Variants in MAGI1 observed in about 807,000 individuals in gnomAD.
The protein encoded by MAGI1 is membrane-associated guanylate kinase, WW and PDZ domain-containing protein 1.
A neutral mutation model predicts 139.9 loss-of-function variants in MAGI1; 58 were observed. The ratio of observed to expected loss-of-function variants is 0.41; its 90% confidence interval spans 0.34 to 0.52. MAGI1 has a LOEUF of 0.52. Ranked by LOEUF, MAGI1 falls within the 20% of genes least tolerant of loss-of-function variation. The pLI, the probability that MAGI1 is intolerant of heterozygous loss-of-function variation, is 0.12. For synonymous variants in MAGI1, 812 were observed against 737.9 expected, an observed-to-expected ratio of 1.10 and a Z score of -1.63; for missense variants, 1,874 against 1,901.6, an observed-to-expected ratio of 0.99 and a Z score of 0.27.
At chr3:65,517,105 T>C (rs1024657508) in intron 2 of MAGI1, among the ~76,000 whole-genome samples, 5 of 152,104 alleles carry the variant, frequency 3.3e-5, no homozygotes, top group Non-Finnish European at 7.4e-5. Flanking sequence ...CTCTAAAATT[T>C]TACACTACCT....
chr3:65,978,395 T>G (rs1287212029), intron 1 of MAGI1, among the ~76,000 whole-genome samples: 1 of 152,168 alleles, frequency 6.6e-6, no homozygotes, highest in Admixed American at 6.5e-5. Flanking sequence ...AGACCTGCTC[T>G]GTCTTGCTCA....
At chr3:65,894,403 C>T (rs2060887611) in intron 1 of MAGI1, among the ~76,000 whole-genome samples, 1 of 152,126 alleles carries the variant, frequency 6.6e-6, no homozygotes, top group Non-Finnish European at 1.5e-5. Context: ...TTGGTGAAAG[C>T]TAGGACACAT....
At chr3:65,773,243 G>C (rs1010527656) in intron 1 of MAGI1, among the ~76,000 whole-genome samples, 6 of 152,134 alleles carry the variant, frequency 3.9e-5, no homozygotes, top group African/African-American at 1.2e-4. Flanking sequence ...ACAACCTTAA[G>C]AGTAGGGGGT....
chr3:65,620,912 T>TA (rs1286121795), intron 2 of MAGI1, among the ~76,000 whole-genome samples: 6 of 152,200 alleles, frequency 3.9e-5, no homozygotes, highest in Non-Finnish European at 7.3e-5. Context: ...CTAAGTCCTT[T>TA]AAAATCTACA....
intron 2 of MAGI1, among the ~76,000 whole-genome samples, chr3:65,502,120 C>A (rs1393100527): frequency 2.6e-5 from 4 of 152,192 alleles, no homozygotes; most frequent in Non-Finnish European, 4.4e-5. Flanking sequence ...TTGGTCAAAA[C>A]CCATAGCGCA....
At chr3:65,504,107 G>A (rs1433562014) in intron 2 of MAGI1, among the ~76,000 whole-genome samples, 1 of 152,188 alleles carries the variant, frequency 6.6e-6, no homozygotes, top group African/African-American at 2.4e-5. Flanking sequence ...AGGAGCTGAT[G>A]TAAGAAGAAC....
At chr3:66,004,550 T>C (rs2066914403) in intron 1 of MAGI1, among the ~76,000 whole-genome samples, 1 of 152,166 alleles carries the variant, frequency 6.6e-6, no homozygotes, top group African/African-American at 2.4e-5. Context: ...CTTTCTGTCA[T>C]ACTCTGTTGG....
intron 9 of MAGI1, among the ~76,000 whole-genome samples, chr3:65,437,604 A>G (rs183908980): frequency 6.6e-6 from 1 of 152,280 alleles, no homozygotes; most frequent in African/African-American, 2.4e-5. Flanking sequence ...TGGGCTGCTG[A>G]GGCCAGCTTG....
intron 1 of MAGI1, among the ~76,000 whole-genome samples, chr3:65,626,673 T>C (rs1333529147): frequency 2.6e-5 from 4 of 152,162 alleles, no homozygotes; most frequent in Admixed American, 6.5e-5. Context: ...AAGCTTATAT[T>C]CAAACTAGCC....
chr3:65,443,710 A>C (rs1468730945), intron 7 of MAGI1, among the ~76,000 whole-genome samples: 1 of 152,146 alleles, frequency 6.6e-6, no homozygotes, highest in Non-Finnish European at 1.5e-5. Flanking sequence ...CAATCCTTTC[A>C]GGCAGAACAA....
intron 2 of MAGI1, among the ~76,000 whole-genome samples, chr3:65,515,458 C>G (rs1215853891): frequency 6.6e-6 from 1 of 152,068 alleles, no homozygotes; most frequent in Admixed American, 6.6e-5. Flanking sequence ...TAAATGAATA[C>G]TAACTAATGT....
intron 1 of MAGI1, among the ~76,000 whole-genome samples, chr3:66,013,406 TA>T (rs35481450): frequency 4.9e-4 from 54 of 109,980 alleles, no homozygotes; most frequent in Non-Finnish European, 4.9e-4. Context: ...CTGTCTCAAA[TA>T]AAAAAAAAAA....
chr3:65,733,888 G>A (rs1311915205), intron 1 of MAGI1, among the ~76,000 whole-genome samples: 1 of 152,198 alleles, frequency 6.6e-6, no homozygotes, highest in African/African-American at 2.4e-5. Flanking sequence ...TGTCACTACA[G>A]CTGTTGTTAA....
intron 5 of MAGI1, among the ~76,000 whole-genome samples, chr3:65,455,087 G>A (rs1027730427): frequency 3.3e-5 from 5 of 152,084 alleles, no homozygotes; most frequent in African/African-American, 1.2e-4. Flanking sequence ...TGTTAGGAGA[G>A]GAGATTATGC....
At chr3:65,415,165 A>AC (rs1946113464) in intron 12 of MAGI1, among the ~76,000 whole-genome samples, 1 of 152,134 alleles carries the variant, frequency 6.6e-6, no homozygotes, top group Non-Finnish European at 1.5e-5. Flanking sequence ...GCTGTCACAG[A>AC]CCAAAAGGAA....
At chr3:65,653,585 T>C (rs1018340805) in intron 1 of MAGI1, among the ~76,000 whole-genome samples, 4 of 152,166 alleles carry the variant, frequency 2.6e-5, no homozygotes, top group African/African-American at 9.7e-5. Flanking sequence ...ACCCGAATCA[T>C]TGATAGCACA....
intron 1 of MAGI1, among the ~76,000 whole-genome samples, chr3:65,677,137 G>C (rs547010552): frequency 1.1e-4 from 16 of 152,304 alleles, no homozygotes; most frequent in South Asian, 8.3e-4. Context: ...TATAGTTTTT[G>C]AAGCACTAGG....
At chr3:65,630,344 A>G (rs2084222421) in intron 1 of MAGI1, among the ~76,000 whole-genome samples, 2 of 152,146 alleles carry the variant, frequency 1.3e-5, no homozygotes, top group Non-Finnish European at 2.9e-5. Context: ...CTAGGTCTGC[A>G]AAGTGTTGGG....
At chr3:65,951,010 A>G (rs1560047058) in intron 1 of MAGI1, among the ~76,000 whole-genome samples, 1 of 130,336 alleles carries the variant, frequency 7.7e-6, no homozygotes, top group African/African-American at 2.7e-5. Flanking sequence ...GAAGGAAGGA[A>G]GGAAGGAAGG....
Sources: allele counts gnomAD v4.1 joint callset (sites outside exome capture counted in the v4.1 genomes callset), GRCh38; gene constraint gnomAD v4.1.1; transcripts MANE v1.5; gene names NCBI Gene and HGNC (gene_info 2026-07-23, HGNC 2026-07-21).